The following RNF220 variants were observed in gnomAD, a reference collection of about 807,000 sequenced individuals.
RNF220 encodes the protein ring finger protein 220, also known as E3 ubiquitin-protein ligase RNF220.
In RNF220, 7 loss-of-function variants were observed where a neutral mutation model predicts 67.1. The ratio of observed to expected loss-of-function variants is 0.10; its 90% CI spans 0.06 to 0.20. The LOEUF (loss-of-function observed/expected upper bound fraction) is 0.20. Ranked by LOEUF, RNF220 falls within the 10% of genes least tolerant of loss-of-function variation. The probability of loss-of-function intolerance (pLI) is 1.00; values close to 1 mark genes in which losing one functional copy is unlikely to be tolerated. For missense variants in RNF220, 565 were observed against 740.3 expected (o/e 0.76, Z 2.75); for synonymous variants, 270 against 283.2 (o/e 0.95, Z 0.47).
Position 44,501,420 on chromosome 1 carries a change from G to A in RNF220, c.625+88698G>A, listed in dbSNP as rs970041897. The stretch of plus-strand genomic sequence containing the variant: ...GCAGATAGAGTCCTGTTTGCAGGCC[G>A]GTCAGCTGTGGGACACCCAGGCTGG... On this transcript the variant is annotated intron_variant, in intron 2 of 14. Coordinates refer to ENST00000361799, the MANE Select transcript of RNF220 (RefSeq NM_018150.4). Among the ~76,000 whole-genome samples, 7 of 152,068 alleles carry A rather than the reference G, an allele frequency of 4.6e-5. No individual in the cohort carries two copies. The South Asian group carries it at 1.0e-3, about 22-fold the overall frequency.
At chr1:44,513,137 G>A (rs185720814) in intron 2 of RNF220, among the ~76,000 whole-genome samples, 15 of 152,200 alleles carry the variant, frequency 9.9e-5, no homozygotes, top group African/African-American at 3.6e-4. Context: ...ATAGACATTC[G>A]CAGTAGCTGG....
intron 2 of RNF220, among the ~76,000 whole-genome samples, chr1:44,524,590 G>A (rs1229354208): frequency 6.6e-6 from 1 of 152,090 alleles, no homozygotes; most frequent in Non-Finnish European, 1.5e-5. Context: ...CTCTCCCTGC[G>A]TCTTGCTCTG....
chr1:44,478,772 A>G (rs748840558), intron 2 of RNF220, among the ~76,000 whole-genome samples: 4 of 152,148 alleles, frequency 2.6e-5, no homozygotes. Context: ...AGTCCATAGC[A>G]GTTCTGAAAT....
At chr1:44,521,841 A>C (rs1320623133) in intron 2 of RNF220, among the ~76,000 whole-genome samples, 1 of 152,112 alleles carries the variant, frequency 6.6e-6, no homozygotes, top group African/African-American at 2.4e-5. Flanking sequence ...CCTAGCATGT[A>C]ATAGGCTCTC....
intron 2 of RNF220, among the ~76,000 whole-genome samples, chr1:44,491,996 AG>A (rs770292840): frequency 6.6e-6 from 1 of 152,186 alleles, no homozygotes; most frequent in Non-Finnish European, 1.5e-5. Context: ...TATTCAATAT[AG>A]TACTGGAGGT....
chr1:44,447,431 A>G (rs1200030663), intron 2 of RNF220, among the ~76,000 whole-genome samples: 1 of 152,234 alleles, frequency 6.6e-6, no homozygotes, highest in Non-Finnish European at 1.5e-5. Context: ...TCTCCCCGCT[A>G]CAGCCCTATT....
At position 44,527,925 on chromosome 1, in the gene RNF220, C is replaced by CAAAAAAAAAAAAAAAAAAAA. The variant is rs56409207; in HGVS notation, c.626-86233_626-86214dup. Among the ~76,000 whole-genome samples, 16 of 56,194 alleles carry CAAAAAAAAAAAAAAAAAAAA rather than the reference C, an allele frequency of 2.8e-4. 7 individuals are homozygous for CAAAAAAAAAAAAAAAAAAAA. The highest frequency in any genetic ancestry group is 1.1e-3 in the East Asian group (2 of 1,740). The allele number at this position is 56,194 out of a possible 152,430, so 36.9% of individuals were successfully genotyped here. A position where few individuals can be genotyped will look rare whatever the true frequency, so the allele number is the denominator to read the frequency against. ...TGGGTGACAGAGCAAGACTCCATCC[C>CAAAAAAAAAAAAAAAAAAAA]AAAAAAAAAAAAAAAAAAAAAAAAA... On this transcript the variant is annotated intron_variant, in intron 2 of 14. Transcript: ENST00000361799.
At chr1:44,614,383 A>T in intron 3 of RNF220, 86 bp downstream of exon 3, 1 of 1,489,476 alleles carries the variant, frequency 6.7e-7, no homozygotes, top group Non-Finnish European at 9.2e-7. Context: ...CGCCTGGCCC[A>T]TACCCCAGCC....
intron 2 of RNF220, among the ~76,000 whole-genome samples, chr1:44,467,652 TTC>T (rs1197779414): frequency 6.6e-6 from 1 of 152,238 alleles, no homozygotes; most frequent in Non-Finnish European, 1.5e-5. Context: ...CACTAAAACT[TTC>T]TGTCAGCAAT....
chr1:44,482,976 G>A (rs1162929124), intron 2 of RNF220, among the ~76,000 whole-genome samples: 12 of 138,728 alleles, frequency 8.7e-5, no homozygotes, highest in Admixed American at 7.1e-4. Context: ...TGTAGCCCAG[G>A]CTGGAGCGCA....
chr1:44,407,657 T>C (rs1284860429), intron 1 of RNF220, among the ~76,000 whole-genome samples: 1 of 151,842 alleles, frequency 6.6e-6, no homozygotes, highest in Non-Finnish European at 1.5e-5. Flanking sequence ...AGCCGCGCGG[T>C]GTGCGGCGGC....
intron 2 of RNF220, among the ~76,000 whole-genome samples, chr1:44,608,786 G>C (rs1381515646): frequency 6.6e-6 from 1 of 152,242 alleles, no homozygotes; most frequent in Non-Finnish European, 1.5e-5. Flanking sequence ...GGCCAGAGGA[G>C]CTAGGGCCAG....
At position 44,478,371 on chromosome 1, in the gene RNF220, T is replaced by G. The variant is rs575823898; in HGVS notation, c.625+65649T>G. Among the ~76,000 whole-genome samples, 26 of 151,998 alleles carry G rather than the reference T, an allele frequency of 1.7e-4. 1 individual carries two copies. The South Asian group carries it at 4.4e-3, about 25-fold the overall frequency. On this transcript the variant is annotated intron_variant, in intron 2 of 14. Transcript: ENST00000361799. ...ACCTAAGAACTTAAAAAAATCCCAT[T>G]CAACATACAGTGGTAGAATACAGGA...
intron 2 of RNF220, among the ~76,000 whole-genome samples, chr1:44,475,563 G>A (rs1343346028): frequency 7.7e-6 from 1 of 129,514 alleles, no homozygotes; most frequent in Non-Finnish European, 1.6e-5. Flanking sequence ...TGTGAGACTC[G>A]GTCTCAAAAA....
chr1:44,587,443 G>A lies in RNF220; in HGVS notation c.626-26722G>A, dbSNP rs539892589. Among the ~76,000 whole-genome samples the A allele has an allele frequency of 5.3e-5, 8 of 152,198 alleles. No homozygotes were observed. The East Asian group carries it at 1.4e-3, about 26-fold the overall frequency. On this transcript the variant is annotated intron_variant, in intron 2 of 14. Coordinates refer to ENST00000361799, the MANE Select transcript of RNF220 (RefSeq NM_018150.4). ...ATTACAGGCATGAGCCACCACGCCCGGCCACTGTTGTATCTTCTTTAAGGC... is the reference window on the plus strand; with the variant it reads ...ATTACAGGCATGAGCCACCACGCCCAGCCACTGTTGTATCTTCTTTAAGGC...
intron 8 of RNF220, among the ~76,000 whole-genome samples, chr1:44,639,358 G>C (rs1267090089): frequency 6.6e-6 from 1 of 152,222 alleles, no homozygotes; most frequent in Non-Finnish European, 1.5e-5. Flanking sequence ...ACTGCATTGG[G>C]GAGCCCAGAG....
rs376708524 is a variant in RNF220, at chr1:44,645,823, T to C, written c.1445+335T>C. The stretch of plus-strand genomic sequence containing the variant: ...GCACACTTGATTCATCTCCAGTTTC[T>C]GTTTCTTAATCGGGAGCTAAATTGG... On this transcript the variant is annotated intron_variant, in intron 12 of 14. Transcript: ENST00000361799. The surrounding 1 kb of genome is among the most constrained non-coding windows in gnomAD (Gnocchi z 5.0). Among the ~76,000 whole-genome samples, 23 of 152,386 alleles carry C rather than the reference T, an allele frequency of 1.5e-4. No individual in the cohort carries two copies. In the East Asian group the frequency reaches 4.0e-3, roughly 27 times the overall value.
chr1:44,502,134 GTC>G (rs5773837), intron 2 of RNF220, among the ~76,000 whole-genome samples: 19,775 of 111,456 alleles, frequency 0.18, 1,932 homozygotes, highest in East Asian at 0.5. Flanking sequence ...ATGATCCTTT[GTC>G]TCTCTCTCTC....
At chr1:44,553,785 A>C (rs1385236958) in intron 2 of RNF220, among the ~76,000 whole-genome samples, 2 of 152,174 alleles carry the variant, frequency 1.3e-5, no homozygotes, top group African/African-American at 4.8e-5. Context: ...AACAAAGGAA[A>C]GTTTAAGGAA....
Sources: allele counts gnomAD v4.1 joint callset (sites outside exome capture counted in the v4.1 genomes callset), GRCh38; gene constraint gnomAD v4.1.1; non-coding constraint Gnocchi (gnomAD v3.1); transcripts MANE v1.5; gene names NCBI Gene and HGNC (gene_info 2026-07-23, HGNC 2026-07-21).